The following KLHL8 variants were observed in gnomAD, a reference collection of about 807,000 sequenced individuals.
KLHL8 encodes the protein kelch-like protein 8.
A neutral mutation model predicts 63.5 loss-of-function variants in KLHL8; 38 were observed. The observed-to-expected ratio is 0.60, with a 90% CI of 0.46 to 0.78. The LOEUF (loss-of-function observed/expected upper bound fraction) is 0.78. Among genes scored for constraint, KLHL8 ranks in the 30% least tolerant of loss-of-function variants. The pLI is 0.00. For missense variants in KLHL8, 566 were observed against 752.4 expected (o/e 0.75, Z 2.90); for synonymous variants, 224 against 254.3 (o/e 0.88, Z 1.13).
intron 1 of KLHL8, among the ~76,000 whole-genome samples, chr4:87,210,990 T>C (rs1732383800): frequency 6.6e-6 from 1 of 152,216 alleles, no homozygotes; most frequent in South Asian, 2.1e-4. Context: ...TTAATACTTA[T>C]AAGTGCCTAT....
rs199868283 is a variant in KLHL8, at chr4:87,176,757, C to T, written c.1208G>A (p.Arg403Lys). 2 of 1,499,306 alleles carry T rather than the reference C, an allele frequency of 1.3e-6. No homozygotes were observed. Among genetic ancestry groups the T allele is most frequent in the Admixed American group, 1.8e-5 (1 of 56,560 alleles). 92.9% of individuals were successfully genotyped at this position (1,499,306 alleles called of 1,614,324 possible). ...AAAATAACTTTCCATGCTGATCTAC[C>T]TCTTTGTGTTCATTGATGCCTTCAT... is the stretch of plus-strand genomic sequence containing the variant. Reference protein sequence around the residue: ...WMMKASMNTKRRGIALASLGG... With the variant: ...WMMKASMNTKKRGIALASLGG... The change falls in exon 6 of 10, where the codon AGG becomes AAG. Residue 403 changes from arginine (R) to lysine (K), a missense_variant and splice_region_variant. Transcript: ENST00000273963.
intron 1 of KLHL8, among the ~76,000 whole-genome samples, chr4:87,231,980 A>G (rs529820459): frequency 6.6e-6 from 1 of 152,362 alleles, no homozygotes; most frequent in East Asian, 1.9e-4. Context: ...TAACATAAAC[A>G]TACCACATTC....
intron 6 of KLHL8, among the ~76,000 whole-genome samples, chr4:87,171,418 C>T (rs1355433622): frequency 1.3e-5 from 2 of 152,136 alleles, no homozygotes; most frequent in African/African-American, 4.8e-5. Flanking sequence ...AGCTGCTTCA[C>T]TGAGATTCTA....
chr4:87,186,181 G>A (rs1731246963), intron 2 of KLHL8, among the ~76,000 whole-genome samples: 1 of 151,916 alleles, frequency 6.6e-6, no homozygotes, highest in Non-Finnish European at 1.5e-5. Context: ...TGGGATTACA[G>A]GCGTGCACCA....
intron 1 of KLHL8, among the ~76,000 whole-genome samples, chr4:87,229,100 G>A (rs1733086694): frequency 6.6e-6 from 1 of 152,184 alleles, no homozygotes; most frequent in Non-Finnish European, 1.5e-5. Context: ...GGTGAAACTA[G>A]ACTATTAGAA....
At chr4:87,193,251 ATTT>A (rs1019264205) in intron 2 of KLHL8, among the ~76,000 whole-genome samples, 28 of 152,074 alleles carry the variant, frequency 1.8e-4, no homozygotes, top group African/African-American at 6.8e-4. Context: ...TCTACTTAAA[ATTT>A]TTTTCTTTTA....
intron 3 of KLHL8, among the ~76,000 whole-genome samples, chr4:87,183,661 G>A (rs901446852): frequency 2.6e-5 from 4 of 151,980 alleles, no homozygotes; most frequent in South Asian, 2.1e-4. Flanking sequence ...TTTAAATATC[G>A]GTTTAAATAG....
At chr4:87,238,878 T>A (rs1733281094) in intron 1 of KLHL8, among the ~76,000 whole-genome samples, 1 of 152,248 alleles carries the variant, frequency 6.6e-6, no homozygotes, top group Non-Finnish European at 1.5e-5. Context: ...TTTTTCATGC[T>A]ATCTGCCTAT....
intron 1 of KLHL8, among the ~76,000 whole-genome samples, chr4:87,204,008 G>A (rs765711920): frequency 6.6e-6 from 1 of 152,124 alleles, no homozygotes; most frequent in Non-Finnish European, 1.5e-5. Flanking sequence ...AAGACACATG[G>A]ATGGAAAATA....
In KLHL8 at chr4:87,185,257, A is replaced by C. The variant is rs1158450613; in HGVS notation, c.759T>G (p.Leu253=). The change falls in exon 3 of 10, where the codon CTT becomes CTG. Residue 253 remains leucine (L), a synonymous_variant. Transcript: ENST00000273963. ...QHHSKWLDET[L]AQVRLPLLPV... is the part of the protein sequence containing the mutation. ...ATCTTATTTCAGCTCCTACCTGTGC[A>C]AGTGTTTCATCCAACCATTTGGAAT... The C allele has an allele frequency of 1.2e-6, 2 of 1,609,330 alleles. No homozygotes were observed. Among genetic ancestry groups the C allele is most frequent in the Middle Eastern group, 1.7e-4 (1 of 6,018 alleles).
upstream of KLHL8, among the ~76,000 whole-genome samples, chr4:87,221,557 T>C (rs2110063059): frequency 6.6e-6 from 1 of 152,214 alleles, no homozygotes; most frequent in Middle Eastern, 3.4e-3. Context: ...AATGTGTCTT[T>C]TGCCAGACTA....
At chr4:87,199,802 GGGCAATACAGCAA>G in intron 1 of KLHL8, among the ~76,000 whole-genome samples, 1 of 151,880 alleles carries the variant, frequency 6.6e-6, no homozygotes, top group East Asian at 1.9e-4. Flanking sequence ...AGGTCAGCCT[GGGCAATACAGCAA>G]GCACCTGTCT....
chr4:87,168,044 C>A (rs1020785235), intron 8 of KLHL8, among the ~76,000 whole-genome samples: 1 of 152,142 alleles, frequency 6.6e-6, no homozygotes, highest in African/African-American at 2.4e-5. Flanking sequence ...CCACACCCCG[C>A]CCCCCGCCTT....
chr4:87,211,235 GACAT>G (rs1732393520), intron 1 of KLHL8, among the ~76,000 whole-genome samples: 1 of 152,072 alleles, frequency 6.6e-6, no homozygotes, highest in African/African-American at 2.4e-5. Context: ...CTGTGCATAA[GACAT>G]TTACTTCAAT....
Position 87,178,465 on chromosome 4 carries a change from G to A in KLHL8, c.1096+12C>T, listed in dbSNP as rs766061681. The A allele has an allele frequency of 1.3e-6, 2 of 1,597,006 alleles. No individual in the cohort carries two copies. The highest frequency in any genetic ancestry group is 2.3e-5 in the South Asian group (2 of 87,178). On this transcript the variant is annotated intron_variant, in intron 5 of 9. Coordinates refer to ENST00000273963, the MANE Select transcript of KLHL8 (RefSeq NM_020803.5). ...TGTGATCATATGATATTTCAGACAA[G>A]AGTGGACCCACCTTCCACAGAGATT... is the stretch of plus-strand genomic sequence containing the variant.
intron 1 of KLHL8, among the ~76,000 whole-genome samples, chr4:87,234,018 C>T (rs1195004455): frequency 6.6e-6 from 1 of 152,166 alleles, no homozygotes; most frequent in Non-Finnish European, 1.5e-5. Context: ...GGATGAAGAA[C>T]TACATTTAGA....
At chr4:87,176,624 C>A (rs1730825404) in intron 6 of KLHL8, 133 bp downstream of exon 6, 1 of 595,966 alleles carries the variant, frequency 1.7e-6, no homozygotes, top group Non-Finnish European at 2.9e-6. Flanking sequence ...TCACTTTGGA[C>A]ATGCTAACAA....
intron 1 of KLHL8, among the ~76,000 whole-genome samples, chr4:87,214,307 C>T (rs573488485): frequency 8.0e-5 from 12 of 149,440 alleles, no homozygotes; most frequent in Non-Finnish European, 1.6e-4. Context: ...AGTTACATAA[C>T]GTTTCATTAG....
chr4:87,166,037 C>A (rs1191058955), intron 8 of KLHL8, among the ~76,000 whole-genome samples: 1 of 152,172 alleles, frequency 6.6e-6, no homozygotes, highest in Non-Finnish European at 1.5e-5. Context: ...ATGTCAATGC[C>A]TGTGGTAGAC....
Sources: allele counts gnomAD v4.1 joint callset (sites outside exome capture counted in the v4.1 genomes callset), GRCh38; gene constraint gnomAD v4.1.1; transcripts MANE v1.5; gene names NCBI Gene and HGNC (gene_info 2026-07-23, HGNC 2026-07-21).